PSEN1: variants seen among roughly 807,000 people sequenced by gnomAD.
The protein encoded by PSEN1 is presenilin 1.
In PSEN1, 15 loss-of-function variants were observed where a neutral mutation model predicts 53.5. The ratio of observed to expected loss-of-function variants is 0.28; its 90% CI spans 0.19 to 0.43. The LOEUF (loss-of-function observed/expected upper bound fraction) is 0.43, where lower values mean the gene tolerates loss of function less well. PSEN1 is among the 20% of genes least tolerant of loss of function. PSEN1 has a pLI of 1.00. For synonymous variants in PSEN1, 208 were observed against 209.8 expected (o/e 0.99, Z 0.08); for missense variants, 387 against 571.2 (o/e 0.68, Z 3.29).
At chr14:73,202,431 TATATATATATATATATATATATATATA>T (rs1190229629) in intron 8 of PSEN1, among the ~76,000 whole-genome samples, 2 of 12,306 alleles carry the variant, frequency 1.6e-4, no homozygotes, top group East Asian at 1.9e-3. Flanking sequence ...TATATATATA[TATATATATATATATATATATATATATA>T]TATATTTTTT....
Position 73,156,970 on chromosome 14 carries a change from A to T in PSEN1, c.87+8864A>T, listed in dbSNP as rs538665754. 7.2e-5 allele frequency among the ~76,000 whole-genome samples: 11 copies of T among 151,852 alleles called. No individual in the cohort carries two copies. In the South Asian group the frequency reaches 1.7e-3, roughly 23 times the overall value. ...AGCCACCACGCCTGGCCTTTTTTTT[A>T]AAATGGTCTTACAGGTAATACCATG... On this transcript the variant is annotated intron_variant, in intron 3 of 11. Coordinates refer to ENST00000324501, the MANE Select transcript of PSEN1 (RefSeq NM_000021.4).
At chr14:73,194,730 G>A (rs1048861273) in intron 7 of PSEN1, among the ~76,000 whole-genome samples, 2 of 151,624 alleles carry the variant, frequency 1.3e-5, no homozygotes, top group Non-Finnish European at 2.9e-5. Flanking sequence ...CACCACGCCC[G>A]GCTATTTTTT....
intron 6 of PSEN1, among the ~76,000 whole-genome samples, chr14:73,191,181 A>G (rs762374300): frequency 3.3e-5 from 5 of 152,352 alleles, no homozygotes; most frequent in Non-Finnish European, 4.4e-5. Context: ...GATTATAAAG[A>G]AGAAAAATGA....
intron 5 of PSEN1, among the ~76,000 whole-genome samples, chr14:73,179,160 A>G (rs1292136512): frequency 1.3e-5 from 2 of 152,096 alleles, no homozygotes; most frequent in Non-Finnish European, 2.9e-5. Flanking sequence ...AAAATGTGGG[A>G]GGAGAGAGAG....
rs1254931982 is a variant in PSEN1 at position 73,160,005 on chromosome 14, G to A, written c.88-10792G>A. On this transcript the variant is annotated intron_variant, in intron 3 of 11. Transcript: ENST00000324501. ...GCCTCGCTAATTTTTTAATTTTTTT[G>A]TAGAGACGAGTTCTCGCCATATTGG... is the stretch of plus-strand genomic sequence containing the variant. 5 of 215,166 alleles carry A rather than the reference G, an allele frequency of 2.3e-5. No homozygotes were observed. Among genetic ancestry groups the A allele is most frequent in the Admixed American group, 5.1e-5 (1 of 19,664 alleles). The allele number at this position is 215,166 out of a possible 1,614,324, so 13.3% of individuals were successfully genotyped here.
chr14:73,192,984 G>A, intron 7 of PSEN1, 120 bp downstream of exon 7: 1 of 813,374 alleles, frequency 1.2e-6, no homozygotes, highest in Admixed American at 1.9e-5. Flanking sequence ...TAACTCTTCA[G>A]TAAATCATTA....
chr14:73,151,741 G>A (rs1044008589), intron 3 of PSEN1, among the ~76,000 whole-genome samples: 2 of 150,998 alleles, frequency 1.3e-5, no homozygotes, highest in Non-Finnish European at 2.9e-5. Flanking sequence ...CTAATTTCTT[G>A]TATTTTTGGC....
At chr14:73,200,649 T>C (rs1015852269) in intron 8 of PSEN1, among the ~76,000 whole-genome samples, 4 of 152,214 alleles carry the variant, frequency 2.6e-5, no homozygotes, top group Non-Finnish European at 4.4e-5. Context: ...AACTATCATC[T>C]CTAATCTTAA....
At position 73,217,323 on chromosome 14, in the gene PSEN1, G is replaced by A. The variant is rs774025917; in HGVS notation, c.1248+79G>A. 2.3e-4 allele frequency: 350 copies of A among 1,541,682 alleles called. 1 individual carries two copies. The highest frequency in any genetic ancestry group is 1.7e-4 in the Admixed American group (10 of 59,854). ...TACACAGTCCCTTTAAGGCAGTTCT[G>A]TTTTAACCCCAGGTGGGTTAAATAT... On this transcript the variant is annotated intron_variant, in intron 11 of 11. Coordinates refer to ENST00000324501, the MANE Select transcript of PSEN1 (RefSeq NM_000021.4).
intron 7 of PSEN1, among the ~76,000 whole-genome samples, chr14:73,196,972 G>A (rs1343093314): frequency 8.7e-6 from 1 of 115,516 alleles, no homozygotes; most frequent in Non-Finnish European, 1.7e-5. Context: ...TCGCTGTATT[G>A]CCCAGGCTGG....
intron 7 of PSEN1, among the ~76,000 whole-genome samples, chr14:73,196,474 A>ATTTTTT (rs35294154): frequency 2.0e-5 from 2 of 102,276 alleles, no homozygotes; most frequent in Non-Finnish European, 3.8e-5. Context: ...GAGGCATGAA[A>ATTTTTT]TTTTTTTTTT....
chr14:73,192,769 A>G lies in PSEN1; in HGVS notation c.674A>G (p.Tyr225Cys). The part of the protein sequence containing the change: ...WKGPLRLQQA[Y>C]LIMISALMAL... ...GGTCCACTTCGACTCCAGCAGGCAT[A>G]TCTCATTATGATTAGTGCCCTCATG... Residue 225 changes from tyrosine to cysteine, a missense_variant, in exon 7 of 12, where the codon TAT becomes TGT. By Grantham distance (194) the Tyr-to-Cys change is radical. Transcript: ENST00000324501. 1 of 1,613,916 alleles carries G rather than the reference A, an allele frequency of 6.2e-7. No homozygotes were observed. Among genetic ancestry groups the G allele is most frequent in the Non-Finnish European group, 8.5e-7 (1 of 1,179,834 alleles).
chr14:73,189,029 G>T (rs764616438), intron 6 of PSEN1, among the ~76,000 whole-genome samples: 2 of 152,040 alleles, frequency 1.3e-5, no homozygotes, highest in Non-Finnish European at 2.9e-5. Context: ...GACCTCAGGT[G>T]ATCCACCTGC....
At chr14:73,171,595 C>CCTG (rs1467102784) in intron 4 of PSEN1, among the ~76,000 whole-genome samples, 4 of 152,134 alleles carry the variant, frequency 2.6e-5, no homozygotes, top group Non-Finnish European at 5.9e-5. Flanking sequence ...ACACGTGGTC[C>CCTG]CTGCTGCTGT....
At chr14:73,192,590 T>C (rs1320257955) in intron 6 of PSEN1, 54 bp from the exon 7 acceptor site, 1 of 1,230,234 alleles carries the variant, frequency 8.1e-7, no homozygotes, top group Non-Finnish European at 1.2e-6. Flanking sequence ...TTCTAAATAA[T>C]GTTTTGGTGA....
intron 10 of PSEN1, among the ~76,000 whole-genome samples, chr14:73,212,690 T>G (rs544494971): frequency 6.6e-6 from 1 of 152,352 alleles, no homozygotes; most frequent in East Asian, 1.9e-4. Context: ...AAGTATTTCT[T>G]CAGTGTCTAA....
intron 3 of PSEN1, among the ~76,000 whole-genome samples, chr14:73,158,282 TTCTA>T (rs56240305): frequency 0.15 from 21,020 of 141,440 alleles, 1,613 homozygotes; most frequent in African/African-American, 0.18. Context: ...TAACTTTTTT[TTCTA>T]TCTATCTATC....
chr14:73,173,444 G>A, intron 4 of PSEN1, 122 bp from the exon 5 acceptor site: 2 of 1,009,880 alleles, frequency 2.0e-6, no homozygotes, highest in Non-Finnish European at 3.1e-6. Context: ...GTGAGTTGGG[G>A]AAAAGTGACT....
rs1283087883 is a variant in PSEN1, at chr14:73,184,932, C to T, written c.481-1921C>T. Among the ~76,000 whole-genome samples the T allele has an allele frequency of 2.5e-3, 194 of 77,838 alleles. 1 individual carries two copies. The highest frequency in any genetic ancestry group is 9.5e-3 in the African/African-American group (180 of 18,980). The allele number at this position is 77,838 out of a possible 152,430, so 51.1% of individuals were successfully genotyped here. ...ATGCTCCTCACCTCCCAGACGGGGT[C>T]GCGGCCGGGCAGAGGTGCTCCTCAC... On this transcript the variant is annotated intron_variant, in intron 5 of 11. Coordinates refer to ENST00000324501, the MANE Select transcript of PSEN1 (RefSeq NM_000021.4).
Sources: gnomAD v4.1 joint callset for allele counts (sites outside exome capture counted in the v4.1 genomes callset) on GRCh38, gnomAD v4.1.1 for gene constraint, MANE v1.5 for transcripts, NCBI Gene and HGNC (gene_info 2026-07-23, HGNC 2026-07-21) for gene names.